The following DPP8 variants were observed in gnomAD, a reference collection of about 807,000 sequenced individuals.
DPP8 encodes the protein dipeptidyl peptidase 8.
In DPP8, 31 loss-of-function variants were observed where a neutral mutation model predicts 107.5. The observed-to-expected ratio is 0.29, with a 90% confidence interval of 0.22 to 0.39. The LOEUF is 0.39. Ranked by LOEUF, DPP8 falls within the 10% of genes least tolerant of loss-of-function variation. The pLI is 1.00. For missense variants in DPP8, 842 were observed against 1,076.1 expected, an observed-to-expected ratio of 0.78 and a Z score of 3.04; for synonymous variants, 381 against 356.6, an observed-to-expected ratio of 1.07 and a Z score of -0.77.
chr15:65,470,195 C>CAAAAAAAAA (rs11310623), intron 12 of DPP8, among the ~76,000 whole-genome samples: 9 of 58,490 alleles, frequency 1.5e-4, no homozygotes, highest in Non-Finnish European at 1.9e-4. Flanking sequence ...ACTCTTGTCT[C>CAAAAAAAAA]AAAAAAAAAA....
intron 17 of DPP8, among the ~76,000 whole-genome samples, chr15:65,452,853 T>C (rs1049556636): frequency 3.3e-5 from 5 of 151,810 alleles, no homozygotes; most frequent in Admixed American, 1.3e-4. Context: ...GCGCCTTTAA[T>C]CCCAGTTACT....
intron 4 of DPP8, among the ~76,000 whole-genome samples, chr15:65,499,330 T>C (rs1196083254): frequency 6.6e-6 from 1 of 151,760 alleles, no homozygotes; most frequent in African/African-American, 2.4e-5. Flanking sequence ...ACTCCCAGAT[T>C]CAAGCAATTC....
chr15:65,483,014 G>A (rs961232726), intron 8 of DPP8, among the ~76,000 whole-genome samples: 4 of 151,870 alleles, frequency 2.6e-5, no homozygotes, highest in Admixed American at 1.3e-4. Flanking sequence ...GGAGAATGGC[G>A]TGAACCCGGG....
rs1013431539 is a variant in DPP8, at chr15:65,454,380, G to A, written c.2154C>T (p.Leu718=). 1.2e-6 allele frequency: 2 copies of A among 1,604,258 alleles called. No individual in the cohort carries two copies. The highest frequency in any genetic ancestry group is 1.7e-6 in the Non-Finnish European group (2 of 1,176,796). ...AATCATATCGAGAAGCTAGATATTG[G>A]AGTCCTTCCACCTGATCGTCAATTT... ...QIEIDDQVEG[L]QYLASRYDFI... Residue 718 remains leucine, a synonymous_variant, in exon 17 of 20, where the codon CTC becomes CTT. Coordinates refer to ENST00000300141, the MANE Select transcript of DPP8 (RefSeq NM_130434.5).
At chr15:65,512,209 T>C in intron 2 of DPP8, 86 bp downstream of exon 2, 1 of 1,323,398 alleles carries the variant, frequency 7.6e-7, no homozygotes, top group Non-Finnish European at 1.1e-6. Context: ...AATTTATTCA[T>C]CAAACTTTTG....
At chr15:65,452,532 G>T (rs924551738) in intron 17 of DPP8, among the ~76,000 whole-genome samples, 1 of 151,658 alleles carries the variant, frequency 6.6e-6, no homozygotes, top group Non-Finnish European at 1.5e-5. Flanking sequence ...TGTCCTATAC[G>T]TAGTTTTATA....
chr15:65,470,316 A>C (rs2065762618), intron 12 of DPP8, among the ~76,000 whole-genome samples: 1 of 150,608 alleles, frequency 6.6e-6, no homozygotes, highest in Admixed American at 6.6e-5. Context: ...TCAAGAATAG[A>C]GGGAAAGGGC....
Position 65,449,014 on chromosome 15 carries a change from C to T in DPP8, c.2526+1985G>A, listed in dbSNP as rs899258313. On this transcript the variant is annotated intron_variant, in intron 19 of 19. Coordinates refer to ENST00000300141, the MANE Select transcript of DPP8 (RefSeq NM_130434.5). ...CCTGAGGTCAGCAGTTGGAGACCAG[C>T]CTAGCCAACATGGTGAAACCCTGTC... Among the ~76,000 whole-genome samples, 14 of 141,084 alleles carry T rather than the reference C, an allele frequency of 9.9e-5. 1 individual carries two copies. The highest frequency in any genetic ancestry group is 8.1e-4 in the Admixed American group (11 of 13,526). The allele number at this position is 141,084 out of a possible 152,430, so 92.6% of individuals were successfully genotyped here.
intron 19 of DPP8, among the ~76,000 whole-genome samples, chr15:65,448,898 A>ATGTGTG: frequency 1.2e-5 from 1 of 83,112 alleles, no homozygotes; most frequent in Admixed American, 1.3e-4. Flanking sequence ...ATATATATAT[A>ATGTGTG]TATATATATA....
chr15:65,481,394 A>C (rs1188263552), intron 9 of DPP8, 121 bp downstream of exon 9: 2 of 702,986 alleles, frequency 2.8e-6, no homozygotes, highest in Admixed American at 5.9e-5. Flanking sequence ...TGTAGTAATA[A>C]CTGTACTGCA....
In DPP8 at chr15:65,485,557, A is replaced by AG. The variant is rs2067334905; in HGVS notation, c.956-398_956-397insC. Among the ~76,000 whole-genome samples, 4 of 151,426 alleles carry AG rather than the reference A, an allele frequency of 2.6e-5. No homozygotes were observed. In the South Asian group the frequency reaches 8.3e-4, roughly 32 times the overall value. The stretch of plus-strand genomic sequence containing the variant: ...GAGACTCCATCTCAAAAAAAAAAAA[A>AG]AAAAAAAGAAAAGAAAGAAAGAGAC... On this transcript the variant is annotated intron_variant, in intron 7 of 19. Transcript: ENST00000300141.
chr15:65,455,891 T>C, intron 16 of DPP8: 1 of 1,252,038 alleles, frequency 8.0e-7, no homozygotes, highest in Non-Finnish European at 1.1e-6. Context: ...CCAGTTGGAT[T>C]CCCTCTTCAC....
intron 11 of DPP8, among the ~76,000 whole-genome samples, chr15:65,477,690 C>T (rs1156592614): frequency 6.6e-6 from 1 of 151,646 alleles, no homozygotes; most frequent in Admixed American, 6.6e-5. Context: ...CCACCACGCC[C>T]GGCTAATTTT....
chr15:65,443,508 A>C lies in DPP8; in HGVS notation c.*3376T>G, dbSNP rs1357938106. The C allele has an allele frequency of 1.3e-5, 2 of 150,134 alleles. No homozygotes were observed. Among genetic ancestry groups the C allele is most frequent in the African/African-American group, 4.9e-5 (2 of 40,468 alleles). 9.3% of individuals were successfully genotyped at this position (150,134 alleles called of 1,614,324 possible). ...AAACAAGTAGTAAAAAAAAAAAAGT[A>C]AGCATCGGTATCAATATCGCATTCT... On this transcript the variant is annotated 3_prime_UTR_variant, in exon 20 of 20. Transcript: ENST00000300141.
At chr15:65,493,467 C>A (rs578155865) in intron 5 of DPP8, among the ~76,000 whole-genome samples, 1 of 152,214 alleles carries the variant, frequency 6.6e-6, no homozygotes, top group South Asian at 2.1e-4. Context: ...ATCATATACA[C>A]CAATATTCCT....
intron 5 of DPP8, among the ~76,000 whole-genome samples, chr15:65,496,113 A>G (rs1209121820): frequency 1.3e-5 from 2 of 151,196 alleles, no homozygotes; most frequent in Non-Finnish European, 2.9e-5. Context: ...CCTCCTTAGT[A>G]GCTGGGACTA....
At chr15:65,501,233 T>C (rs2069205883) in intron 3 of DPP8, among the ~76,000 whole-genome samples, 1 of 152,108 alleles carries the variant, frequency 6.6e-6, no homozygotes, top group African/African-American at 2.4e-5. Flanking sequence ...GCAGGTTAAG[T>C]GACCCCAAAA....
chr15:65,483,678 A>G (rs896849139), intron 8 of DPP8, among the ~76,000 whole-genome samples: 2 of 152,058 alleles, frequency 1.3e-5, no homozygotes, highest in South Asian at 2.1e-4. Flanking sequence ...GCAGTTCCAC[A>G]AAAGGTTAAA....
chr15:65,481,632 A>G lies in DPP8; in HGVS notation c.1018-17T>C. 1 of 1,283,394 alleles carries G rather than the reference A, an allele frequency of 7.8e-7. No individual in the cohort carries two copies. The highest frequency in any genetic ancestry group is 1.1e-6 in the Non-Finnish European group (1 of 925,454). 79.5% of individuals were successfully genotyped at this position (1,283,394 alleles called of 1,614,324 possible). ...ATCTATGATCTATTAAAAAAGAAAAAAAAAGAATCTAGTTATAGAAGATTT... is the reference window on the plus strand; with the variant it reads ...ATCTATGATCTATTAAAAAAGAAAAGAAAAGAATCTAGTTATAGAAGATTT... On this transcript the variant is annotated splice_polypyrimidine_tract_variant and intron_variant, in intron 8 of 19. Transcript: ENST00000300141.
Sources: allele counts gnomAD v4.1 joint callset (sites outside exome capture counted in the v4.1 genomes callset), GRCh38; gene constraint gnomAD v4.1.1; transcripts MANE v1.5; gene names NCBI Gene and HGNC (gene_info 2026-07-23, HGNC 2026-07-21).